The following KDM4C variants were observed in gnomAD, a reference collection of about 807,000 sequenced individuals.
KDM4C encodes the protein lysine-specific demethylase 4C.
In KDM4C, 81 loss-of-function variants were observed where a neutral mutation model predicts 129.3. The ratio of observed to expected loss-of-function variants is 0.63; its 90% CI spans 0.52 to 0.75. KDM4C has a LOEUF of 0.75. Among genes scored for constraint, KDM4C ranks in the 30% least tolerant of loss-of-function variants. KDM4C has a pLI of 0.00. For synonymous variants in KDM4C, 573 were observed against 456.1 expected, an observed-to-expected ratio of 1.26 and a Z score of -3.26; for missense variants, 1,457 against 1,304.0, an observed-to-expected ratio of 1.12 and a Z score of -1.81.
At position 6,873,931 on chromosome 9, in the gene KDM4C, TGAGA is replaced by T. The variant is rs1347462647; in HGVS notation, c.630-6075_630-6072del. On this transcript the variant is annotated intron_variant, in intron 5 of 21. Coordinates refer to ENST00000381309, the MANE Select transcript of KDM4C (RefSeq NM_015061.6). ...GAGAGAGAGCGAGAGAGAGAGAGAG[TGAGA>T]GAGAGCGAGAGAGAGAGAGAGAGAG... Among the ~76,000 whole-genome samples the T allele has an allele frequency of 6.6e-5, 7 of 105,994 alleles. No homozygotes were observed. The South Asian group carries it at 1.0e-3, about 15-fold the overall frequency. The allele number at this position is 105,994 out of a possible 152,430, so 69.5% of individuals were successfully genotyped here.
chr9:6,952,428 TA>T (rs1563874065), intron 8 of KDM4C, among the ~76,000 whole-genome samples: 2 of 145,586 alleles, frequency 1.4e-5, no homozygotes, highest in Non-Finnish European at 3.0e-5. Flanking sequence ...TATATATATA[TA>T]TAATAATAAT....
intron 17 of KDM4C, among the ~76,000 whole-genome samples, chr9:7,075,123 A>G (rs1184145683): frequency 1.3e-5 from 2 of 152,180 alleles, no homozygotes; most frequent in Non-Finnish European, 2.9e-5. Flanking sequence ...GATGGTGGGC[A>G]TGATATGCAG....
chr9:7,025,766 C>G (rs952524098), intron 15 of KDM4C, among the ~76,000 whole-genome samples: 16 of 152,212 alleles, frequency 1.1e-4, no homozygotes. Flanking sequence ...ATCTTTTAGT[C>G]TTTCTCCTTA....
chr9:7,101,952 C>T (rs757210666), intron 17 of KDM4C, among the ~76,000 whole-genome samples: 3 of 152,022 alleles, frequency 2.0e-5, no homozygotes, highest in African/African-American at 7.3e-5. Flanking sequence ...ATAATTGGAA[C>T]TGACAAAAAG....
intron 1 of KDM4C, chr9:6,734,951 A>G (rs1817474765): frequency 3.5e-6 from 2 of 571,962 alleles, no homozygotes; most frequent in Non-Finnish European, 7.0e-6. Flanking sequence ...AGGGATCTAT[A>G]TGTCTGTCTA....
intron 17 of KDM4C, among the ~76,000 whole-genome samples, chr9:7,072,338 A>G (rs1238620294): frequency 1.3e-5 from 2 of 152,216 alleles, no homozygotes; most frequent in African/African-American, 2.4e-5. Context: ...TTATGTTTAC[A>G]TATATCATAA....
At chr9:6,819,338 C>T (rs561030370) in intron 4 of KDM4C, among the ~76,000 whole-genome samples, 1 of 152,306 alleles carries the variant, frequency 6.6e-6, no homozygotes, top group East Asian at 1.9e-4. Flanking sequence ...TTCAAGGGAA[C>T]ATTGACTTTA....
At chr9:6,933,737 G>T (rs530076607) in intron 8 of KDM4C, among the ~76,000 whole-genome samples, 6 of 152,092 alleles carry the variant, frequency 3.9e-5, no homozygotes, top group African/African-American at 1.4e-4. Flanking sequence ...AGAACATGGA[G>T]GTTTGGCAAT....
intron 3 of KDM4C, among the ~76,000 whole-genome samples, chr9:6,806,548 A>C (rs1830008088): frequency 6.6e-6 from 1 of 151,540 alleles, no homozygotes; most frequent in Non-Finnish European, 1.5e-5. Context: ...CCCAAATCTT[A>C]GCTGCTTAAA....
chr9:6,887,303 G>A (rs112095080), intron 6 of KDM4C, among the ~76,000 whole-genome samples: 116 of 152,310 alleles, frequency 7.6e-4, no homozygotes, highest in Middle Eastern at 3.4e-3. Flanking sequence ...CTCTGTCTTG[G>A]CGTATAATAT....
intron 15 of KDM4C, among the ~76,000 whole-genome samples, chr9:7,037,823 C>G (rs565105460): frequency 6.6e-6 from 1 of 152,134 alleles, no homozygotes; most frequent in Non-Finnish European, 1.5e-5. Context: ...CATGTTACAA[C>G]AGGCATTTTA....
At chr9:6,847,293 C>T (rs907722930) in intron 4 of KDM4C, among the ~76,000 whole-genome samples, 11 of 152,090 alleles carry the variant, frequency 7.2e-5, no homozygotes, top group Admixed American at 6.5e-4. Context: ...TCTGATTGGA[C>T]TAGAGTTAAG....
At chr9:7,026,429 C>T (rs938082452) in intron 15 of KDM4C, among the ~76,000 whole-genome samples, 1 of 151,810 alleles carries the variant, frequency 6.6e-6, no homozygotes, top group African/African-American at 2.4e-5. Context: ...GTTAGGTTTT[C>T]ACTGAAAAAT....
intron 8 of KDM4C, among the ~76,000 whole-genome samples, chr9:6,923,694 A>G (rs1305597705): frequency 6.6e-6 from 1 of 152,248 alleles, no homozygotes; most frequent in African/African-American, 2.4e-5. Context: ...ACCAAAAAAT[A>G]AGTCATTAAT....
Position 7,020,563 on chromosome 9 carries a change from C to G in KDM4C, c.2259+4634C>G, listed in dbSNP as rs185827148. Among the ~76,000 whole-genome samples the G allele has an allele frequency of 3.8e-3, 586 of 152,234 alleles. 9 individuals are homozygous for G. The highest frequency in any genetic ancestry group is 0.013 in the African/African-American group (549 of 41,530). On this transcript the variant is annotated intron_variant, in intron 15 of 21. Coordinates refer to ENST00000381309, the MANE Select transcript of KDM4C (RefSeq NM_015061.6). ...TTTTAGAGCACGTTCCAAACATTAC[C>G]AAATCCAGATTTTAGGTATCAAAAG...
intron 19 of KDM4C, among the ~76,000 whole-genome samples, chr9:7,139,132 A>G (rs1461632085): frequency 6.6e-6 from 1 of 152,130 alleles, no homozygotes; most frequent in Non-Finnish European, 1.5e-5. Flanking sequence ...AAAATTAGCC[A>G]GGCATGGTGG....
chr9:7,016,935 T>A (rs1012508998), intron 15 of KDM4C, among the ~76,000 whole-genome samples: 6 of 151,970 alleles, frequency 3.9e-5, no homozygotes, highest in Non-Finnish European at 8.8e-5. Flanking sequence ...TCATATCCAG[T>A]GTTTATTTTT....
intron 2 of KDM4C, among the ~76,000 whole-genome samples, chr9:6,794,865 C>A (rs1827421734): frequency 1.3e-5 from 2 of 152,112 alleles, no homozygotes; most frequent in Admixed American, 1.3e-4. Flanking sequence ...AAAGTAAGAT[C>A]TTTGAAAGAG....
chr9:6,849,772 A>T, intron 5 of KDM4C, 72 bp downstream of exon 5: 1 of 1,254,704 alleles, frequency 8.0e-7, no homozygotes, highest in Non-Finnish European at 1.1e-6. Context: ...ATTGAAGAGG[A>T]TTTTGTTCTT....
Sources: gnomAD v4.1 joint callset for allele counts (sites outside exome capture counted in the v4.1 genomes callset) on GRCh38, gnomAD v4.1.1 for gene constraint, MANE v1.5 for transcripts, NCBI Gene and HGNC (gene_info 2026-07-23, HGNC 2026-07-21) for gene names.